The following ATP2B1 variants were observed in gnomAD, a reference collection of about 807,000 sequenced individuals.
ATP2B1 encodes ATPase plasma membrane Ca2+ transporting 1, also known as plasma membrane calcium-transporting ATPase 1.
A neutral mutation model predicts 124.2 loss-of-function variants in ATP2B1; 14 were observed. The ratio of observed to expected loss-of-function variants is 0.11; its 90% CI spans 0.07 to 0.18. ATP2B1 has a LOEUF of 0.18. Ranked by LOEUF, ATP2B1 falls within the 10% of genes least tolerant of loss-of-function variation. The pLI is 1.00. For missense variants in ATP2B1, 763 were observed against 1,466.1 expected, an observed-to-expected ratio of 0.52 and a Z score of 7.83; for synonymous variants, 449 against 492.4, an observed-to-expected ratio of 0.91 and a Z score of 1.17.
chr12:89,692,810 T>C (rs1190249471), intron 1 of ATP2B1, among the ~76,000 whole-genome samples: 1 of 152,214 alleles, frequency 6.6e-6, no homozygotes, highest in Non-Finnish European at 1.5e-5. Context: ...AATGTATGTA[T>C]GGAATTACTT....
Position 89,603,580 on chromosome 12 carries a change from A to C in ATP2B1, c.2848+132T>G. ...TTTACTAAGCACTCACTGATTAAGAAGAAATTAAAGATAAATGGGAAGTCA... is the reference window on the plus strand; with the variant it reads ...TTTACTAAGCACTCACTGATTAAGACGAAATTAAAGATAAATGGGAAGTCA... On this transcript the variant is annotated intron_variant, in intron 17 of 20. Coordinates refer to ENST00000428670, the MANE Select transcript of ATP2B1 (RefSeq NM_001366521.1). This position sits in a 1 kb window ranked among gnomAD's most constrained non-coding sequence, Gnocchi z 4.3. 1.1e-6 allele frequency: 1 copy of C among 924,006 alleles called. No homozygotes were observed. The highest frequency in any genetic ancestry group is 1.7e-5 in the South Asian group (1 of 58,574). 57.2% of individuals were successfully genotyped at this position (924,006 alleles called of 1,614,324 possible).
At chr12:89,649,983 T>A (rs889427771) in intron 2 of ATP2B1, among the ~76,000 whole-genome samples, 3 of 152,190 alleles carry the variant, frequency 2.0e-5, no homozygotes, top group African/African-American at 7.2e-5. Context: ...CCTTCTGCCA[T>A]GAGTAAAATC....
At chr12:89,636,225 T>G (rs1882684440) in intron 3 of ATP2B1, among the ~76,000 whole-genome samples, 2 of 148,266 alleles carry the variant, frequency 1.3e-5, no homozygotes, top group African/African-American at 2.5e-5. Context: ...GGGTGGGAGG[T>G]GGGGAGGGGG....
chr12:89,700,020 T>TG (rs1188365501), intron 1 of ATP2B1, among the ~76,000 whole-genome samples: 1 of 150,908 alleles, frequency 6.6e-6, no homozygotes, highest in Non-Finnish European at 1.5e-5. Flanking sequence ...AAATTTTTTT[T>TG]TTTTTTTTTT....
At chr12:89,600,599 T>A (rs1875601776) in intron 19 of ATP2B1, among the ~76,000 whole-genome samples, 1 of 152,140 alleles carries the variant, frequency 6.6e-6, no homozygotes, top group Admixed American at 6.5e-5. Context: ...TAAGGTCAGT[T>A]TTTCCTATGC....
At chr12:89,645,627 C>T (rs1425291077) in intron 2 of ATP2B1, among the ~76,000 whole-genome samples, 1 of 152,102 alleles carries the variant, frequency 6.6e-6, no homozygotes, top group Non-Finnish European at 1.5e-5. Flanking sequence ...ACATTCCCAG[C>T]AGCAAAAGCA....
chr12:89,646,194 G>A (rs1193582939), intron 2 of ATP2B1, among the ~76,000 whole-genome samples: 1 of 152,122 alleles, frequency 6.6e-6, no homozygotes. Context: ...AGGAGGAAAG[G>A]GGAGGGAGGA....
intron 1 of ATP2B1, among the ~76,000 whole-genome samples, chr12:89,662,472 G>C (rs1160564193): frequency 6.6e-6 from 1 of 152,036 alleles, no homozygotes; most frequent in Admixed American, 6.6e-5. Context: ...ATGCTTTAAA[G>C]AAATCAAGGA....
At chr12:89,593,328 CGGA>C (rs1200028667) in intron 20 of ATP2B1, 2 of 151,872 alleles carry the variant, frequency 1.3e-5, no homozygotes, top group African/African-American at 4.8e-5. Flanking sequence ...CCCGTAGGCA[CGGA>C]GGAGAATACA....
chr12:89,621,273 T>A (rs138108131), intron 10 of ATP2B1, among the ~76,000 whole-genome samples: 22 of 152,202 alleles, frequency 1.4e-4, no homozygotes, highest in African/African-American at 4.8e-4. Flanking sequence ...TTAACAAGAA[T>A]TTAAAATTAA....
At chr12:89,632,471 A>C (rs561420457) in intron 5 of ATP2B1, among the ~76,000 whole-genome samples, 83 of 152,328 alleles carry the variant, frequency 5.4e-4, no homozygotes, top group African/African-American at 1.8e-3. Flanking sequence ...AAGATAGTGA[A>C]AAAGTAGATA....
In ATP2B1 at chr12:89,603,660, A is replaced by G; in HGVS notation, c.2848+52T>C. The G allele has an allele frequency of 6.4e-7, 1 of 1,551,618 alleles. No homozygotes were observed. Among genetic ancestry groups the G allele is most frequent in the South Asian group, 1.1e-5 (1 of 89,288 alleles). Reference sequence around the variant, plus strand: ...TAACATTATAACATCTTGGATGATTAGCTTGGAAAAGAAACAATTAACTGA... The same window carrying G: ...TAACATTATAACATCTTGGATGATTGGCTTGGAAAAGAAACAATTAACTGA... On this transcript the variant is annotated intron_variant, in intron 17 of 20. Transcript: ENST00000428670. This position sits in a 1 kb window ranked among gnomAD's most constrained non-coding sequence, Gnocchi z 4.3.
intron 2 of ATP2B1, among the ~76,000 whole-genome samples, chr12:89,653,387 C>T (rs1333205165): frequency 6.7e-6 from 1 of 149,384 alleles, no homozygotes; most frequent in Admixed American, 6.7e-5. Context: ...AGCTCCGCTT[C>T]CCGGGTTCAC....
intron 1 of ATP2B1, among the ~76,000 whole-genome samples, chr12:89,668,157 G>A (rs766339765): frequency 5.9e-5 from 9 of 152,174 alleles, no homozygotes; most frequent in Non-Finnish European, 1.0e-4. Flanking sequence ...AGCTGCTACC[G>A]TGATAAAAAC....
At chr12:89,658,307 A>G (rs1886204100) in intron 1 of ATP2B1, among the ~76,000 whole-genome samples, 1 of 152,152 alleles carries the variant, frequency 6.6e-6, no homozygotes. Context: ...AGATTTTCCT[A>G]GAGAAACTAG....
intron 1 of ATP2B1, among the ~76,000 whole-genome samples, chr12:89,697,212 T>C (rs1891243179): frequency 1.3e-5 from 2 of 152,296 alleles, no homozygotes; most frequent in African/African-American, 2.4e-5. Flanking sequence ...CAGTGGGCTA[T>C]ATGTAATTAT....
At chr12:89,660,253 C>T (rs1886542353) in intron 1 of ATP2B1, among the ~76,000 whole-genome samples, 1 of 152,062 alleles carries the variant, frequency 6.6e-6, no homozygotes, top group Non-Finnish European at 1.5e-5. Flanking sequence ...TGTATTTACC[C>T]AATCTATAAG....
At position 89,676,106 on chromosome 12, in the gene ATP2B1, T is replaced by C. The variant is rs575320191; in HGVS notation, c.-221-19999A>G. On this transcript the variant is annotated intron_variant, in intron 1 of 20. Coordinates refer to ENST00000428670, the MANE Select transcript of ATP2B1 (RefSeq NM_001366521.1). ...GAGGTTAGGGAAAGAAGTGCAGTGA[T>C]GGAGAACCTACCAATCTTAGAGAAC... 3.9e-5 allele frequency among the ~76,000 whole-genome samples: 6 copies of C among 152,198 alleles called. No individual in the cohort carries two copies. The South Asian group carries it at 1.2e-3, about 32-fold the overall frequency.
intron 1 of ATP2B1, among the ~76,000 whole-genome samples, chr12:89,682,492 G>A (rs1889476917): frequency 6.6e-6 from 1 of 152,082 alleles, no homozygotes; most frequent in African/African-American, 2.4e-5. Context: ...AAACAGTATG[G>A]CAATGATAGA....
Sources: allele counts gnomAD v4.1 joint callset (sites outside exome capture counted in the v4.1 genomes callset), GRCh38; gene constraint gnomAD v4.1.1; non-coding constraint Gnocchi (gnomAD v3.1); transcripts MANE v1.5; gene names NCBI Gene and HGNC (gene_info 2026-07-23, HGNC 2026-07-21).